MRPS9: variants seen among roughly 807,000 people sequenced by gnomAD.
The protein encoded by MRPS9 is small ribosomal subunit protein uS9m.
Under a neutral mutation model 59.9 loss-of-function variants are expected in MRPS9, and 45 were observed. The ratio of observed to expected loss-of-function variants is 0.75; its 90% CI spans 0.59 to 0.96. MRPS9 has a LOEUF of 0.96. Ranked by LOEUF, MRPS9 falls within the 40% of genes least tolerant of loss-of-function variation. The pLI is 0.00. For synonymous variants in MRPS9, 171 were observed against 166.8 expected (o/e 1.03, Z -0.19); for missense variants, 473 against 481.1 (o/e 0.98, Z 0.16).
At chr2:105,041,931 A>T (rs1679508742) in intron 1 of MRPS9, among the ~76,000 whole-genome samples, 1 of 152,160 alleles carries the variant, frequency 6.6e-6, no homozygotes, top group South Asian at 2.1e-4. Flanking sequence ...TATGTTTCTT[A>T]TATAATAAGA....
At position 105,095,109 on chromosome 2, in the gene MRPS9, G is replaced by A. The variant is rs755698781; in HGVS notation, c.929+1471G>A. On this transcript the variant is annotated intron_variant, in intron 9 of 10. Coordinates refer to ENST00000258455, the MANE Select transcript of MRPS9 (RefSeq NM_182640.3). Reference sequence around the variant, plus strand: ...ACAACTATTTTAAAGTAGTTGTAAGGATTTAGGGCAGTCACTTCAGGAACT... The same window carrying A: ...ACAACTATTTTAAAGTAGTTGTAAGAATTTAGGGCAGTCACTTCAGGAACT... Among the ~76,000 whole-genome samples, 108 of 152,278 alleles carry A rather than the reference G, an allele frequency of 7.1e-4. No individual in the cohort carries two copies. The Middle Eastern group carries it at 0.01, about 14-fold the overall frequency.
At chr2:105,068,933 G>A (rs6755165) in intron 2 of MRPS9, among the ~76,000 whole-genome samples, 1 of 152,108 alleles carries the variant, frequency 6.6e-6, no homozygotes, top group African/African-American at 2.4e-5. Context: ...ATTCATAGGG[G>A]TGTATCTTCT....
At chr2:105,068,292 C>T (rs1416615048) in intron 2 of MRPS9, among the ~76,000 whole-genome samples, 1 of 152,044 alleles carries the variant, frequency 6.6e-6, no homozygotes, top group Non-Finnish European at 1.5e-5. Flanking sequence ...TTCCCTTGTA[C>T]ATTTATATCT....
At chr2:105,070,089 A>G (rs1318248892) in intron 2 of MRPS9, among the ~76,000 whole-genome samples, 1 of 152,080 alleles carries the variant, frequency 6.6e-6, no homozygotes, top group Non-Finnish European at 1.5e-5. Flanking sequence ...TAAAACAAAA[A>G]AGAGTTTGCT....
chr2:105,099,620 G>A, intron 10 of MRPS9, 50 bp from the exon 11 acceptor site: 1 of 1,547,142 alleles, frequency 6.5e-7, no homozygotes, highest in South Asian at 1.2e-5. Flanking sequence ...TTTTCTTCTG[G>A]GCAGCATGCA....
chr2:105,073,704 G>A (rs552805322), intron 4 of MRPS9, among the ~76,000 whole-genome samples: 4 of 152,290 alleles, frequency 2.6e-5, no homozygotes, highest in African/African-American at 9.6e-5. Flanking sequence ...GGAGCAAAGA[G>A]TAGCACTCAT....
rs1177688244 is a variant in MRPS9 at position 105,092,416 on chromosome 2, C to T, written c.667C>T (p.Arg223Trp). The T allele has an allele frequency of 3.7e-6, 6 of 1,610,776 alleles. No homozygotes were observed. Among genetic ancestry groups the T allele is most frequent in the Admixed American group, 1.7e-5 (1 of 59,166 alleles). The change falls in exon 8 of 11, where the codon CGG becomes TGG. Residue 223 changes from arginine to tryptophan, a missense_variant. Transcript: ENST00000258455. ...LSDLDYMQFI[R>W]LLEKLLTSQC... is the part of the protein sequence containing the mutation. ...TTGTCTGCAGTATATGCAGTTCATT[C>T]GGCTGCTAGAAAAGTTATTGACATC...
intron 4 of MRPS9, among the ~76,000 whole-genome samples, chr2:105,076,637 ACT>A (rs1680217642): frequency 6.6e-6 from 1 of 152,220 alleles, no homozygotes; most frequent in Admixed American, 6.5e-5. Context: ...AGAAATTCAA[ACT>A]CTAGAACAGA....
chr2:105,092,440 T>C lies in MRPS9; in HGVS notation c.691T>C (p.Ser231Pro), dbSNP rs2104469171. The C allele has an allele frequency of 6.2e-7, 1 of 1,613,306 alleles. No individual in the cohort carries two copies. Among genetic ancestry groups the C allele is most frequent in the East Asian group, 2.2e-5 (1 of 44,858 alleles). ...TCGGCTGCTAGAAAAGTTATTGACA[T>C]CGCAGTGTGGTGCTGCTGAGGAAGA... Reference protein sequence around the residue: ...FIRLLEKLLTSQCGAAEEEFV... With the variant: ...FIRLLEKLLTPQCGAAEEEFV... Residue 231 changes from serine to proline, a missense_variant, in exon 8 of 11, where the codon TCG (serine) becomes CCG (proline). Transcript: ENST00000258455.
chr2:105,048,034 A>G (rs934493879), intron 1 of MRPS9, among the ~76,000 whole-genome samples: 3 of 152,024 alleles, frequency 2.0e-5, no homozygotes, highest in East Asian at 1.9e-4. Context: ...CATCCTCTCC[A>G]TAAAGACACA....
rs536851280 is a variant in MRPS9 at position 105,064,276 on chromosome 2, C to T, written c.316-7037C>T. Among the ~76,000 whole-genome samples, 10 of 152,090 alleles carry T rather than the reference C, an allele frequency of 6.6e-5. No homozygotes were observed. In the South Asian group the frequency reaches 1.0e-3, roughly 16 times the overall value. ...ACAGCGGTCTCATATGGATGAGACC[C>T]GAAAGTAGGTCACAGGGTTTGGAAA... On this transcript the variant is annotated intron_variant, in intron 2 of 10. Coordinates refer to ENST00000258455, the MANE Select transcript of MRPS9 (RefSeq NM_182640.3).
chr2:105,064,108 G>T (rs7604397), intron 2 of MRPS9, among the ~76,000 whole-genome samples: 114,045 of 152,058 alleles, frequency 0.75, 42,869 homozygotes, highest in East Asian at 0.89. Context: ...TCTCCCTACA[G>T]AAATTTGCTA....
intron 5 of MRPS9, among the ~76,000 whole-genome samples, chr2:105,085,565 C>T (rs1680430247): frequency 6.6e-6 from 1 of 152,146 alleles, no homozygotes; most frequent in Non-Finnish European, 1.5e-5. Flanking sequence ...TCATAGTGCT[C>T]ATACTCTCAG....
chr2:105,072,210 C>T (rs577150096), intron 4 of MRPS9, among the ~76,000 whole-genome samples: 4 of 152,282 alleles, frequency 2.6e-5, no homozygotes, highest in South Asian at 4.1e-4. Context: ...TGCTGTGACC[C>T]TAGAGGTTTG....
rs748365112 is a variant in MRPS9 at position 105,090,010 on chromosome 2, T to C, written c.651+15T>C. 9 of 1,499,776 alleles carry C rather than the reference T, an allele frequency of 6.0e-6. No individual in the cohort carries two copies. In the South Asian group the frequency reaches 9.3e-5, roughly 16 times the overall value. 92.9% of individuals were successfully genotyped at this position (1,499,776 alleles called of 1,614,324 possible). On this transcript the variant is annotated intron_variant, in intron 7 of 10. Transcript: ENST00000258455. Reference sequence around the variant, plus strand: ...CAGATCTAGATGTGAGTAATTAATCTTTTTAATTTAAGGGGACCTATGCAA... The same window carrying C: ...CAGATCTAGATGTGAGTAATTAATCCTTTTAATTTAAGGGGACCTATGCAA...
At chr2:105,051,791 A>G (rs1179403012) in intron 2 of MRPS9, among the ~76,000 whole-genome samples, 1 of 151,972 alleles carries the variant, frequency 6.6e-6, no homozygotes, top group Non-Finnish European at 1.5e-5. Flanking sequence ...TAATGTCTTA[A>G]CTTCTATTGT....
chr2:105,076,212 C>A (rs964147462), intron 4 of MRPS9, among the ~76,000 whole-genome samples: 5 of 152,086 alleles, frequency 3.3e-5, no homozygotes, highest in Non-Finnish European at 7.4e-5. Context: ...AAAAATGATA[C>A]CCTCTTATAA....
At chr2:105,077,244 C>CAAAAAAAAAAAAAAAAAAAAAAA (rs56216293) in intron 4 of MRPS9, among the ~76,000 whole-genome samples, 1 of 115,478 alleles carries the variant, frequency 8.7e-6, no homozygotes, top group Non-Finnish European at 1.8e-5. Flanking sequence ...GACTCCATCT[C>CAAAAAAAAAAAAAAAAAAAAAAA]AAAAAAAAAA....
chr2:105,071,366 A>G lies in MRPS9; in HGVS notation c.369A>G (p.Pro123=). The part of the protein sequence containing the change: ...PSGLFEKRAR[P]VMKHPEQIFP... ...GTTTGTTTGAGAAACGAGCCAGGCC[A>G]GTAATGAAGGTAGTTATCTTAATTA... Residue 123 remains proline, a synonymous_variant, in exon 3 of 11, where the codon CCA becomes CCG. Transcript: ENST00000258455. 6.2e-7 allele frequency: 1 copy of G among 1,609,484 alleles called. No homozygotes were observed. The highest frequency in any genetic ancestry group is 2.2e-5 in the East Asian group (1 of 44,784).
Sources: allele counts gnomAD v4.1 joint callset (sites outside exome capture counted in the v4.1 genomes callset), GRCh38; gene constraint gnomAD v4.1.1; transcripts MANE v1.5; gene names NCBI Gene and HGNC (gene_info 2026-07-23, HGNC 2026-07-21).